CCDC7: variants seen among roughly 807,000 people sequenced by gnomAD.
CCDC7 encodes the protein coiled-coil domain containing 7.
In CCDC7, 183 loss-of-function variants were observed where a neutral mutation model predicts 196.9. The ratio of observed to expected loss-of-function variants is 0.93; its 90% CI spans 0.82 to 1.05. The LOEUF (loss-of-function observed/expected upper bound fraction) is 1.05. CCDC7 is among the 50% of genes least tolerant of loss of function. The probability of loss-of-function intolerance (pLI) is 0.00; values close to 1 mark genes in which losing one functional copy is unlikely to be tolerated. For synonymous variants in CCDC7, 525 were observed against 484.6 expected (o/e 1.08, Z -1.10); for missense variants, 1,540 against 1,482.2 (o/e 1.04, Z -0.64).
intron 11 of CCDC7, among the ~76,000 whole-genome samples, chr10:32,535,970 A>T (rs2050420686): frequency 6.6e-6 from 1 of 152,158 alleles, no homozygotes. Context: ...GGTTAAATAA[A>T]ATGCATCTAT....
At chr10:32,602,805 C>CT (rs1049598535) in intron 18 of CCDC7, among the ~76,000 whole-genome samples, 17 of 152,064 alleles carry the variant, frequency 1.1e-4, no homozygotes, top group African/African-American at 4.1e-4. Flanking sequence ...ATTCCTATTT[C>CT]TTTTTTTAGC....
At chr10:32,454,578 A>T (rs2033886459) in intron 2 of CCDC7, among the ~76,000 whole-genome samples, 1 of 109,182 alleles carries the variant, frequency 9.2e-6, no homozygotes, top group African/African-American at 2.8e-5. Context: ...AACAAAAGTT[A>T]AAAAAAAAAC....
chr10:32,845,310 A>G (rs745586854), exon 34 of CCDC7: 1 of 1,569,622 alleles, frequency 6.4e-7, no homozygotes, highest in Non-Finnish European at 8.7e-7. Flanking sequence ...TCAATGCACA[A>G]CTAAAGGGTC....
chr10:32,855,676 G>T (rs1362070806), intron 41 of CCDC7, among the ~76,000 whole-genome samples: 1 of 152,160 alleles, frequency 6.6e-6, no homozygotes, highest in Non-Finnish European at 1.5e-5. Flanking sequence ...AGCTTCCCTT[G>T]CTCACCCACT....
At position 32,548,370 on chromosome 10, in the gene CCDC7, C is replaced by T. The variant is rs2052857487; in HGVS notation, c.1134+4069C>T. On this transcript the variant is annotated intron_variant, in intron 13 of 41. Coordinates refer to ENST00000639629, the Ensembl canonical transcript of CCDC7. ...GATAATTCAGGTCAGAGCAGGTGAC[C>T]AGGGTGACTCAGGACGGAGCAGGTG... 2.0e-5 allele frequency among the ~76,000 whole-genome samples: 3 copies of T among 152,094 alleles called. No individual in the cohort carries two copies. In the South Asian group the frequency reaches 6.2e-4, roughly 32 times the overall value.
At chr10:32,673,659 G>GTGTGTGTGTGTGTGTC (rs2074438411) in intron 21 of CCDC7, among the ~76,000 whole-genome samples, 1 of 126,842 alleles carries the variant, frequency 7.9e-6, no homozygotes, top group African/African-American at 2.5e-5. Flanking sequence ...GTGCACGTGT[G>GTGTGTGTGTGTGTGTC]TGTGTGTGTG....
chr10:32,812,867 C>A (rs543896745), intron 30 of CCDC7, among the ~76,000 whole-genome samples: 5 of 152,092 alleles, frequency 3.3e-5, no homozygotes, highest in East Asian at 3.9e-4. Flanking sequence ...GAAGAAAGAA[C>A]AAAGGAAGCT....
rs372359810 is a variant in CCDC7, at chr10:32,484,111, ATTCT to A, written c.797-7809_797-7806del. ...CAGTATGGCCATTTTCACAATATTG[ATTCT>A]TCCTATCCATGAGCATGGAACGTTC... is the stretch of plus-strand genomic sequence containing the variant. On this transcript the variant is annotated intron_variant, in intron 8 of 41. Transcript: ENST00000639629. Among the ~76,000 whole-genome samples the A allele has an allele frequency of 2.0e-3, 307 of 152,220 alleles. 7 individuals carry two copies. The East Asian group carries it at 0.045, about 22-fold the overall frequency.
intron 30 of CCDC7, among the ~76,000 whole-genome samples, chr10:32,813,361 C>T (rs2087608820): frequency 2.0e-5 from 3 of 152,088 alleles, no homozygotes; most frequent in Admixed American, 6.6e-5. Flanking sequence ...TAAATGGAAA[C>T]GGATCCAATA....
At chr10:32,827,612 G>T (rs994258478) in intron 32 of CCDC7, among the ~76,000 whole-genome samples, 2 of 150,940 alleles carry the variant, frequency 1.3e-5, no homozygotes, top group Non-Finnish European at 3.0e-5. Flanking sequence ...CATGGACACC[G>T]GGTGGGGAAC....
intron 20 of CCDC7, among the ~76,000 whole-genome samples, chr10:32,637,805 A>G (rs566079826): frequency 3.9e-5 from 6 of 152,170 alleles, no homozygotes; most frequent in African/African-American, 9.7e-5. Context: ...CCTTGAATCT[A>G]TAAATTACCT....
intron 28 of CCDC7, among the ~76,000 whole-genome samples, chr10:32,756,137 T>C (rs936968991): frequency 2.0e-5 from 3 of 152,244 alleles, no homozygotes; most frequent in African/African-American, 7.2e-5. Flanking sequence ...CAGATTGTTG[T>C]ACCTGAAAGT....
intron 30 of CCDC7, among the ~76,000 whole-genome samples, chr10:32,811,466 G>T (rs1165655602): frequency 2.0e-5 from 3 of 151,908 alleles, no homozygotes; most frequent in African/African-American, 7.2e-5. Context: ...AGAAAATCTG[G>T]TTAATGGGTA....
At chr10:32,714,064 C>T (rs901683723) in intron 25 of CCDC7, among the ~76,000 whole-genome samples, 5 of 152,182 alleles carry the variant, frequency 3.3e-5, no homozygotes, top group Non-Finnish European at 7.3e-5. Flanking sequence ...CTAATTTGAA[C>T]CACTGTGGGA....
intron 28 of CCDC7, among the ~76,000 whole-genome samples, chr10:32,740,465 G>T (rs944516904): frequency 6.6e-6 from 1 of 152,098 alleles, no homozygotes; most frequent in Non-Finnish European, 1.5e-5. Context: ...TACAGTATTT[G>T]TGAGATGCAA....
downstream of CCDC7, chr10:32,876,685 C>A (rs2094604706): frequency 4.0e-6 from 1 of 248,950 alleles, no homozygotes; most frequent in Non-Finnish European, 7.6e-6. Flanking sequence ...TCACCCTATT[C>A]AAAATATTAA....
chr10:32,869,563 G>A (rs552876945), intron 41 of CCDC7, among the ~76,000 whole-genome samples: 31 of 152,144 alleles, frequency 2.0e-4, no homozygotes, highest in South Asian at 4.2e-4. Context: ...AAGCTCTTTC[G>A]TTTAATCGGA....
chr10:32,700,774 C>A (rs924223533), intron 24 of CCDC7, among the ~76,000 whole-genome samples: 2 of 152,084 alleles, frequency 1.3e-5, no homozygotes, highest in African/African-American at 4.8e-5. Flanking sequence ...CCTTCACATC[C>A]CTTGTAAGTT....
At chr10:32,612,855 G>A (rs2062330843) in intron 18 of CCDC7, among the ~76,000 whole-genome samples, 1 of 151,488 alleles carries the variant, frequency 6.6e-6, no homozygotes, top group Non-Finnish European at 1.5e-5. Context: ...ATGTTCATCA[G>A]GGATATTGGC....
Sources: allele counts gnomAD v4.1 joint callset (sites outside exome capture counted in the v4.1 genomes callset), GRCh38; gene constraint gnomAD v4.1.1; transcripts MANE v1.5; gene names NCBI Gene and HGNC (gene_info 2026-07-23, HGNC 2026-07-21).